RFX4: variants seen among roughly 807,000 people sequenced by gnomAD.
RFX4 encodes the protein regulatory factor X4, also known as transcription factor RFX4.
In RFX4, 10 loss-of-function variants were observed where a neutral mutation model predicts 95.0. That is an observed-to-expected ratio of 0.11 (90% CI 0.06 to 0.18). The LOEUF (loss-of-function observed/expected upper bound fraction) is 0.18. Among genes scored for constraint, RFX4 ranks in the 10% least tolerant of loss-of-function variants. The pLI is 1.00. For synonymous variants in RFX4, 321 were observed against 340.7 expected, an observed-to-expected ratio of 0.94 and a Z score of 0.64; for missense variants, 640 against 922.0, an observed-to-expected ratio of 0.69 and a Z score of 3.96.
chr12:106,682,226 G>A, intron 5 of RFX4, 172 bp downstream of exon 5: 1 of 621,542 alleles, frequency 1.6e-6, no homozygotes, highest in East Asian at 2.8e-5. Flanking sequence ...CAGGACTCCT[G>A]AAAGAGAGGT....
At chr12:106,616,323 A>G (rs1418859586) in intron 2 of RFX4, among the ~76,000 whole-genome samples, 1 of 152,156 alleles carries the variant, frequency 6.6e-6, no homozygotes, top group Admixed American at 6.5e-5. Flanking sequence ...TGGTCAGAGT[A>G]TTATCTTTTT....
intron 17 of RFX4, among the ~76,000 whole-genome samples, chr12:106,751,089 C>T (rs1407029251): frequency 7.0e-6 from 1 of 143,094 alleles, no homozygotes; most frequent in South Asian, 2.5e-4. Context: ...CTCCCCCCTC[C>T]CCCTACCCCA....
At chr12:106,644,545 T>G (rs1298929242) in intron 3 of RFX4, among the ~76,000 whole-genome samples, 1 of 152,184 alleles carries the variant, frequency 6.6e-6, no homozygotes, top group East Asian at 1.9e-4. Flanking sequence ...ACTTCCCTTT[T>G]GATGAACATT....
At chr12:106,635,942 C>G (rs898359492) in intron 2 of RFX4, among the ~76,000 whole-genome samples, 2 of 152,196 alleles carry the variant, frequency 1.3e-5, no homozygotes, top group African/African-American at 4.8e-5. Context: ...TAGGGGTTCA[C>G]TTACCCACAT....
In RFX4 at chr12:106,750,685, T is replaced by C. The variant is rs1160062789; in HGVS notation, c.1827T>C (p.Tyr609=). The C allele has an allele frequency of 6.2e-7, 1 of 1,609,464 alleles. No homozygotes were observed. The highest frequency in any genetic ancestry group is 1.3e-5 in the African/African-American group (1 of 74,704). Residue 609 remains tyrosine, a synonymous_variant, in exon 17 of 18, where the codon TAT becomes TAC. Transcript: ENST00000392842. ...GYTGSYNYGS[Y]GNQHPHPMQS... is the part of the protein sequence containing the mutation. The stretch of plus-strand genomic sequence containing the variant: ...CGGGAAGCTATAACTATGGGAGCTA[T>C]GGCAACCAGCATCCTCACCCCATGC...
chr12:106,682,078 C>A (rs201502358), intron 5 of RFX4, 24 bp downstream of exon 5: 4 of 1,613,504 alleles, frequency 2.5e-6, no homozygotes, highest in Middle Eastern at 1.6e-4. Context: ...GGCCATTCCA[C>A]CTGCAGAGCG....
At chr12:106,692,685 T>C (rs1378753107) in intron 7 of RFX4, among the ~76,000 whole-genome samples, 5 of 152,224 alleles carry the variant, frequency 3.3e-5, no homozygotes, top group Admixed American at 6.5e-5. Flanking sequence ...ACTAATAATT[T>C]GGAATCATTT....
chr12:106,657,595 T>C (rs896303658), intron 4 of RFX4, among the ~76,000 whole-genome samples: 1 of 152,196 alleles, frequency 6.6e-6, no homozygotes, highest in Non-Finnish European at 1.5e-5. Context: ...TGTGCCTGCT[T>C]TCGCTGTTAA....
rs146267876 is a variant in RFX4 at position 106,593,541 on chromosome 12, A to C, written c.43+10178A>C. Among the ~76,000 whole-genome samples the C allele has an allele frequency of 3.4e-3, 517 of 152,372 alleles. 4 individuals are homozygous for C. The highest frequency in any genetic ancestry group is 0.012 in the African/African-American group (483 of 41,594). ...ATTAGTGATTGACAATTACATCTCC[A>C]AGCCAGCATCTAATTTTTGAGACAC... On this transcript the variant is annotated intron_variant, in intron 1 of 17. Transcript: ENST00000392842.
chr12:106,743,771 A>T (rs2137596524), intron 15 of RFX4, among the ~76,000 whole-genome samples: 1 of 152,262 alleles, frequency 6.6e-6, no homozygotes, highest in Admixed American at 6.5e-5. Flanking sequence ...CTGCTTGGAA[A>T]AAAACATGCT....
At chr12:106,683,479 A>AAC (rs1555230785) in intron 5 of RFX4, 2 of 147,194 alleles carry the variant, frequency 1.4e-5, no homozygotes, top group African/African-American at 2.5e-5. Context: ...AAAAAAAAAA[A>AAC]AAAAAAAAAA....
At chr12:106,736,446 A>G (rs2042710461) in intron 15 of RFX4, among the ~76,000 whole-genome samples, 1 of 152,032 alleles carries the variant, frequency 6.6e-6, no homozygotes, top group South Asian at 2.1e-4. Context: ...GATGCTCACT[A>G]GGTTAAGGAC....
intron 2 of RFX4, among the ~76,000 whole-genome samples, chr12:106,618,245 A>G (rs1044447344): frequency 4.0e-5 from 6 of 151,872 alleles, no homozygotes; most frequent in African/African-American, 1.5e-4. Context: ...AACATATGTT[A>G]TAGATTAACA....
chr12:106,641,989 C>CTATATCTA (rs2040639410), intron 3 of RFX4, among the ~76,000 whole-genome samples: 1 of 145,258 alleles, frequency 6.9e-6, no homozygotes, highest in East Asian at 2.0e-4. Context: ...ATATCTATAT[C>CTATATCTA]TATATCTATA....
chr12:106,587,582 C>G (rs114374791), intron 1 of RFX4, among the ~76,000 whole-genome samples: 1 of 152,332 alleles, frequency 6.6e-6, no homozygotes, highest in South Asian at 2.1e-4. Flanking sequence ...TTTCTCAGCC[C>G]GCCTTGGAGC....
At chr12:106,685,152 C>T (rs2041616647) in intron 5 of RFX4, among the ~76,000 whole-genome samples, 1 of 152,148 alleles carries the variant, frequency 6.6e-6, no homozygotes, top group African/African-American at 2.4e-5. Context: ...TCTAGACGTA[C>T]TAAATAGGAG....
At chr12:106,645,200 A>G (rs1254128189) in intron 3 of RFX4, among the ~76,000 whole-genome samples, 1 of 152,250 alleles carries the variant, frequency 6.6e-6, no homozygotes, top group Admixed American at 6.5e-5. Flanking sequence ...ATCCTCGGTC[A>G]CGAGGGTTAG....
intron 1 of RFX4, among the ~76,000 whole-genome samples, chr12:106,591,488 A>C (rs2039544730): frequency 6.6e-6 from 1 of 151,966 alleles, no homozygotes; most frequent in Non-Finnish European, 1.5e-5. Context: ...AGCTGGTCTC[A>C]AACTCCTGAC....
intron 3 of RFX4, among the ~76,000 whole-genome samples, chr12:106,643,279 C>T (rs2040672853): frequency 6.6e-6 from 1 of 152,176 alleles, no homozygotes; most frequent in African/African-American, 2.4e-5. Flanking sequence ...ACCACTCCTT[C>T]CCGGGATGGG....
Sources: allele counts gnomAD v4.1 joint callset (sites outside exome capture counted in the v4.1 genomes callset), GRCh38; gene constraint gnomAD v4.1.1; transcripts MANE v1.5; gene names NCBI Gene and HGNC (gene_info 2026-07-23, HGNC 2026-07-21).